ZNF354C: variants seen among roughly 807,000 people sequenced by gnomAD.
ZNF354C encodes the protein KRAB-zinc finger protein synten.
ZNF354C carries 7 observed loss-of-function variants against 12.4 expected under a neutral mutation model. That is an observed-to-expected ratio of 0.56 (90% CI 0.32 to 1.06). The LOEUF (loss-of-function observed/expected upper bound fraction) is 1.06, where lower values mean the gene tolerates loss of function less well. Ranked by LOEUF, ZNF354C falls within the 50% of genes least tolerant of loss-of-function variation. The pLI is 0.04. For missense variants in ZNF354C, 609 were observed against 658.0 expected (o/e 0.93, Z 0.81); for synonymous variants, 202 against 224.5 (o/e 0.90, Z 0.90).
At chr5:179,062,364 G>C (rs1346133721) in intron 2 of ZNF354C, among the ~76,000 whole-genome samples, 1 of 152,146 alleles carries the variant, frequency 6.6e-6, no homozygotes, top group Non-Finnish European at 1.5e-5. Context: ...CACTACACTG[G>C]TGCTGGGTGG....
rs1761893420 is a variant in ZNF354C at position 179,061,613 on chromosome 5, CTT to C, written c.-54-400_-54-399del. 2.6e-5 allele frequency among the ~76,000 whole-genome samples: 4 copies of C among 152,036 alleles called. No individual in the cohort carries two copies. In the South Asian group the frequency reaches 8.3e-4, roughly 32 times the overall value. On this transcript the variant is annotated intron_variant, in intron 1 of 4. Coordinates refer to ENST00000315475, the MANE Select transcript of ZNF354C (RefSeq NM_014594.3). ...CCAGGGTAGGGATGCGGGGAAGCCT[CTT>C]TATCGTGGCTACCATAGGGAGGAAA...
At chr5:179,070,159 A>G (rs1242519828) in intron 2 of ZNF354C, among the ~76,000 whole-genome samples, 1 of 152,174 alleles carries the variant, frequency 6.6e-6, no homozygotes. Flanking sequence ...TCATAGGAAC[A>G]TGAACCCTAT....
In ZNF354C at chr5:179,082,702, T is replaced by TGA; in HGVS notation, c.*2605_*2606insGA. 6.3e-7 allele frequency: 1 copy of TGA among 1,584,122 alleles called. No homozygotes were observed. The highest frequency in any genetic ancestry group is 8.7e-7 in the Non-Finnish European group (1 of 1,155,604). ...TCAATGACACCAGCTTGACGGATCT[T>TGA]TCTTTCTGCACCAAACCCCATTGAG... On this transcript the variant is annotated 3_prime_UTR_variant, in exon 5 of 5. Coordinates refer to ENST00000315475, the MANE Select transcript of ZNF354C (RefSeq NM_014594.3).
Position 179,076,448 on chromosome 5 carries a change from C to A in ZNF354C, c.31C>A (p.Pro11Thr), listed in dbSNP as rs1274186302. 1 of 1,614,030 alleles carries A rather than the reference C, an allele frequency of 6.2e-7. No individual in the cohort carries two copies. The highest frequency in any genetic ancestry group is 1.3e-5 in the African/African-American group (1 of 74,898). Residue 11 changes from proline to threonine, a missense_variant, in exon 3 of 5, where the codon CCT becomes ACT. Pro to Thr is a conservative substitution (Grantham distance 38). Transcript: ENST00000315475. ...AGGTATGGGTTTGCCATTACAGGAG[C>A]CTGTGACATTCAGGGATGTGGCCGT... Reference protein sequence around the residue: MAVDLLSAQEPVTFRDVAVFF... With the variant: MAVDLLSAQETVTFRDVAVFF...
chr5:179,078,144 T>A (rs1762154431), intron 4 of ZNF354C, among the ~76,000 whole-genome samples: 1 of 152,076 alleles, frequency 6.6e-6, no homozygotes, highest in Non-Finnish European at 1.5e-5. Flanking sequence ...CAGACTACAA[T>A]ATAAAATCAC....
intron 2 of ZNF354C, among the ~76,000 whole-genome samples, chr5:179,065,144 G>A (rs746832766): frequency 6.6e-6 from 1 of 152,008 alleles, no homozygotes; most frequent in African/African-American, 2.4e-5. Flanking sequence ...CCAGCTTCCC[G>A]TTATTCCCTA....
rs1762219651 is a variant in ZNF354C at position 179,080,969 on chromosome 5, T to C, written c.*872T>C. The C allele has an allele frequency of 6.6e-6, 1 of 151,776 alleles. No homozygotes were observed. Among genetic ancestry groups the C allele is most frequent in the Middle Eastern group, 3.2e-3 (1 of 316 alleles). The allele number at this position is 151,776 out of a possible 1,614,324, so 9.4% of individuals were successfully genotyped here. A position where few individuals can be genotyped will look rare whatever the true frequency, so the allele number is the denominator to read the frequency against. ...GCCAGGAGAGATTTTAGTTTAATTA[T>C]AGCCTTTCATTGTACTAACGAAGGA... On this transcript the variant is annotated 3_prime_UTR_variant, in exon 5 of 5. Transcript: ENST00000315475.
intron 4 of ZNF354C, among the ~76,000 whole-genome samples, chr5:179,077,847 C>T (rs1340196108): frequency 6.7e-6 from 1 of 149,864 alleles, no homozygotes; most frequent in Non-Finnish European, 1.5e-5. Context: ...TCTCTGTCAC[C>T]CAGGCCGGAG....
rs377086286 is a variant in ZNF354C, at chr5:179,079,027, C to T, written c.595C>T (p.Gln199Ter). 3 of 1,612,780 alleles carry T rather than the reference C, an allele frequency of 1.9e-6. No individual in the cohort carries two copies. The highest frequency in any genetic ancestry group is 1.3e-5 in the African/African-American group (1 of 74,900). ...MYYTFGKDFK[Q>*]NFDLMKCFQI... Reference sequence around the variant, plus strand: ...TTATACATTTGGGAAAGATTTTAAACAGAATTTTGATCTCATGAAATGCTT... The same window carrying T: ...TTATACATTTGGGAAAGATTTTAAATAGAATTTTGATCTCATGAAATGCTT... The change falls in exon 5 of 5, where the codon CAG becomes TAG. Residue 199 changes from glutamine to a stop codon, truncating the protein, a stop_gained. Coordinates refer to ENST00000315475, the MANE Select transcript of ZNF354C (RefSeq NM_014594.3). LOFTEE classifies it low-confidence loss of function (END_TRUNC). The surrounding 1 kb of genome is among the most constrained non-coding windows in gnomAD (Gnocchi z 4.2).
intron 2 of ZNF354C, among the ~76,000 whole-genome samples, chr5:179,069,796 G>A (rs1234338057): frequency 6.6e-6 from 1 of 152,012 alleles, no homozygotes; most frequent in Non-Finnish European, 1.5e-5. Flanking sequence ...AACCCGGGAG[G>A]CGGAGCTTGC....
intron 2 of ZNF354C, among the ~76,000 whole-genome samples, chr5:179,066,591 A>C (rs1415670735): frequency 6.6e-6 from 1 of 152,248 alleles, no homozygotes; most frequent in Non-Finnish European, 1.5e-5. Context: ...TTTACTTCTC[A>C]TCCTTTTTGA....
Position 179,080,045 on chromosome 5 carries a change from C to CACTT in ZNF354C, c.1616_1619dup (p.Gln541TyrfsTer8), listed in dbSNP as rs748605016. The CACTT allele has an allele frequency of 6.2e-7, 1 of 1,605,998 alleles. No individual in the cohort carries two copies. Among genetic ancestry groups the CACTT allele is most frequent in the African/African-American group, 1.3e-5 (1 of 74,210 alleles). On this transcript the variant is annotated frameshift_variant, in exon 5 of 5. Transcript: ENST00000315475. LOFTEE classifies it low-confidence loss of function (END_TRUNC). ...GGGAAACCTTTCATCTGCAGCTCCT[C>CACTT]ACTTACCCAGTATCAGAGATTTTTT...
rs201223631 is a variant in ZNF354C at position 179,079,677 on chromosome 5, C to T, written c.1245C>T (p.Asn415=). ...CTGGACAAAAACCTTATCAGTGCAA[C>T]GAATGTGAGAAAGCCTTCAACCAGT... The part of the protein sequence containing the change: ...IHTGQKPYQC[N]ECEKAFNQYS... Residue 415 remains asparagine, a synonymous_variant, in exon 5 of 5, where the codon AAC becomes AAT. Coordinates refer to ENST00000315475, the MANE Select transcript of ZNF354C (RefSeq NM_014594.3). The surrounding 1 kb of genome is among the most constrained non-coding windows in gnomAD (Gnocchi z 4.2). The T allele has an allele frequency of 1.6e-5, 26 of 1,614,114 alleles. No individual in the cohort carries two copies. The highest frequency in any genetic ancestry group is 1.6e-4 in the Middle Eastern group (1 of 6,062).
Position 179,070,555 on chromosome 5 carries a change from C to T in ZNF354C, c.28-5890C>T, listed in dbSNP as rs1021582099. Among the ~76,000 whole-genome samples the T allele has an allele frequency of 2.6e-5, 4 of 152,140 alleles. No individual in the cohort carries two copies. The South Asian group carries it at 8.3e-4, about 32-fold the overall frequency. The stretch of plus-strand genomic sequence containing the variant: ...CTGCCCTAGTTTCTGTTTTATTTTC[C>T]AAGCCTACTTCTGTGACTATCAGTT... On this transcript the variant is annotated intron_variant, in intron 2 of 4. Transcript: ENST00000315475.
At chr5:179,076,077 C>A (rs1762116392) in intron 2 of ZNF354C, among the ~76,000 whole-genome samples, 1 of 152,150 alleles carries the variant, frequency 6.6e-6, no homozygotes, top group Admixed American at 6.5e-5. Context: ...TCTAGTGGTT[C>A]CCTGCAGCCC....
rs752626770 is a variant in ZNF354C, at chr5:179,083,051, G to T, written c.*2954G>T. ...GCACACATTCCACTGGCCCTACGCA[G>T]GGGTGTGATGTTGTAAGCCATAGTT... is the stretch of plus-strand genomic sequence containing the variant. On this transcript the variant is annotated 3_prime_UTR_variant, in exon 5 of 5. Transcript: ENST00000315475. The T allele has an allele frequency of 5.2e-6, 4 of 764,450 alleles. No individual in the cohort carries two copies. The highest frequency in any genetic ancestry group is 8.8e-6 in the Non-Finnish European group (4 of 454,900). 47.4% of individuals were successfully genotyped at this position (764,450 alleles called of 1,614,324 possible). A position where few individuals can be genotyped will look rare whatever the true frequency, so the allele number is the denominator to read the frequency against.
chr5:179,068,487 A>T (rs568918409), intron 2 of ZNF354C, among the ~76,000 whole-genome samples: 1 of 152,342 alleles, frequency 6.6e-6, no homozygotes, highest in African/African-American at 2.4e-5. Flanking sequence ...AATAGGATTT[A>T]GTATGATTTA....
rs1762242563 is a variant in ZNF354C at position 179,082,550 on chromosome 5, A to G, written c.*2453A>G. ...CGAGGAAGCTGTTAAAACTGGTGTAATAGCTCAAAAGAACTAAGTATTCCA... is the reference window on the plus strand; with the variant it reads ...CGAGGAAGCTGTTAAAACTGGTGTAGTAGCTCAAAAGAACTAAGTATTCCA... On this transcript the variant is annotated 3_prime_UTR_variant, in exon 5 of 5. Transcript: ENST00000315475. 1.3e-6 allele frequency: 1 copy of G among 764,736 alleles called. No individual in the cohort carries two copies. Among genetic ancestry groups the G allele is most frequent in the Non-Finnish European group, 2.4e-6 (1 of 420,766 alleles). The allele number at this position is 764,736 out of a possible 1,614,324, so 47.4% of individuals were successfully genotyped here. A position where few individuals can be genotyped will look rare whatever the true frequency, so the allele number is the denominator to read the frequency against.
chr5:179,079,342 G>A lies in ZNF354C; in HGVS notation c.910G>A (p.Glu304Lys), dbSNP rs1225872458. Residue 304 changes from glutamate to lysine, a missense_variant, in exon 5 of 5, where the codon GAA (glutamate) becomes AAA (lysine). Physicochemically the swap from Glu to Lys is moderately conservative, Grantham distance 56 (BLOSUM62 1). Transcript: ENST00000315475. This position sits in a 1 kb window ranked among gnomAD's most constrained non-coding sequence, Gnocchi z 4.2. ...HTGEKPYRCR[E>K]CGKAFSQCST... ...TGGAGAGAAACCGTATCGATGTAGGGAATGTGGTAAAGCCTTTAGCCAGTG... is the reference window on the plus strand; with the variant it reads ...TGGAGAGAAACCGTATCGATGTAGGAAATGTGGTAAAGCCTTTAGCCAGTG... 6.2e-7 allele frequency: 1 copy of A among 1,614,016 alleles called. No individual in the cohort carries two copies. Among genetic ancestry groups the A allele is most frequent in the South Asian group, 1.1e-5 (1 of 91,068 alleles).
Sources: gnomAD v4.1 joint callset for allele counts (sites outside exome capture counted in the v4.1 genomes callset) on GRCh38, gnomAD v4.1.1 for gene constraint, Gnocchi (gnomAD v3.1) non-coding constraint, MANE v1.5 for transcripts, NCBI Gene and HGNC (gene_info 2026-07-23, HGNC 2026-07-21) for gene names.